The following LARGE1 variants were observed in gnomAD, a reference collection of about 807,000 sequenced individuals.
LARGE1 encodes LARGE xylosyl- and glucuronyltransferase 1.
LARGE1 carries 43 observed loss-of-function variants against 87.6 expected under a neutral mutation model. That is an observed-to-expected ratio of 0.49 (90% CI 0.38 to 0.63). The LOEUF is 0.63. Ranked by LOEUF, LARGE1 falls within the 30% of genes least tolerant of loss-of-function variation. The pLI is 0.00. For missense variants in LARGE1, 802 were observed against 1,000.2 expected, an observed-to-expected ratio of 0.80 and a Z score of 2.67; for synonymous variants, 434 against 394.6, an observed-to-expected ratio of 1.10 and a Z score of -1.18.
chr22:33,281,316 G>C (rs958230189), intron 13 of LARGE1, among the ~76,000 whole-genome samples: 46 of 152,116 alleles, frequency 3.0e-4, no homozygotes, highest in Non-Finnish European at 6.3e-4. Context: ...ATTCATGGGA[G>C]ACTTATATTA....
At chr22:33,312,249 C>G (rs550774667) in intron 11 of LARGE1, among the ~76,000 whole-genome samples, 34 of 152,216 alleles carry the variant, frequency 2.2e-4, no homozygotes, top group Non-Finnish European at 4.1e-4. Flanking sequence ...TGAGACCATG[C>G]TGGCCAACAT....
chr22:33,686,662 G>A (rs1036105467), intron 2 of LARGE1, among the ~76,000 whole-genome samples: 2 of 151,924 alleles, frequency 1.3e-5, no homozygotes, highest in Non-Finnish European at 2.9e-5. Context: ...GCCTATCATG[G>A]CCTAGACCAG....
chr22:33,206,758 T>C (rs1314012847), intron 11 of LARGE1, among the ~76,000 whole-genome samples: 2 of 152,188 alleles, frequency 1.3e-5, no homozygotes, highest in Non-Finnish European at 2.9e-5. Flanking sequence ...GAAACTCTCA[T>C]AAATAGTTTT....
chr22:33,128,321 A>G, the LARGE1 span, among the ~76,000 whole-genome samples: 8 of 152,220 alleles, frequency 5.3e-5, no homozygotes, highest in African/African-American at 1.7e-4. Context: ...TTGTAGCACT[A>G]TTCACAATAA....
At chr22:33,371,826 T>C (rs928328174) in intron 9 of LARGE1, among the ~76,000 whole-genome samples, 6 of 151,794 alleles carry the variant, frequency 4.0e-5, no homozygotes, top group Non-Finnish European at 1.5e-5. Context: ...CCACTAAAAA[T>C]ACAAAAAATT....
chr22:33,909,963 T>C (rs922106956), intron 1 of LARGE1, among the ~76,000 whole-genome samples: 2 of 152,216 alleles, frequency 1.3e-5, no homozygotes, highest in African/African-American at 4.8e-5. Flanking sequence ...AGATTTTAAC[T>C]GTCTTGTATC....
At chr22:33,204,841 T>C (rs1924599184) in intron 11 of LARGE1, among the ~76,000 whole-genome samples, 1 of 152,024 alleles carries the variant, frequency 6.6e-6, no homozygotes, top group South Asian at 2.1e-4. Flanking sequence ...TATAGAAGGG[T>C]TCTGTTGAAA....
At chr22:33,079,306 C>A in the LARGE1 span, among the ~76,000 whole-genome samples, 1 of 146,492 alleles carries the variant, frequency 6.8e-6, no homozygotes, top group South Asian at 2.2e-4. Flanking sequence ...CGGCTCACTG[C>A]AAGCTCCGCC....
chr22:33,324,603 T>A (rs968089441), intron 10 of LARGE1, among the ~76,000 whole-genome samples: 1 of 152,214 alleles, frequency 6.6e-6, no homozygotes, highest in Non-Finnish European at 1.5e-5. Flanking sequence ...TTAGGCAGTT[T>A]GCATTTATTT....
At chr22:33,253,539 C>T (rs935313247) in intron 11 of LARGE1, among the ~76,000 whole-genome samples, 2 of 152,212 alleles carry the variant, frequency 1.3e-5, no homozygotes, top group Non-Finnish European at 2.9e-5. Flanking sequence ...TGGTGAAACC[C>T]TGTCTCTACT....
intron 6 of LARGE1, among the ~76,000 whole-genome samples, chr22:33,459,943 A>G (rs578000460): frequency 1.4e-3 from 219 of 152,360 alleles, no homozygotes; most frequent in African/African-American, 4.7e-3. Flanking sequence ...CAATGGGCAG[A>G]TAAGTGGATG....
chr22:33,871,134 C>G (rs1473784555), intron 1 of LARGE1, among the ~76,000 whole-genome samples: 1 of 152,210 alleles, frequency 6.6e-6, no homozygotes, highest in Non-Finnish European at 1.5e-5. Flanking sequence ...ACATTTATTT[C>G]ATGGCACAAA....
intron 5 of LARGE1, among the ~76,000 whole-genome samples, chr22:33,566,622 G>A (rs1401487972): frequency 6.6e-6 from 1 of 152,226 alleles, no homozygotes; most frequent in Non-Finnish European, 1.5e-5. Flanking sequence ...AGCTTCCACA[G>A]CTTGGAAGGG....
intron 1 of LARGE1, among the ~76,000 whole-genome samples, chr22:33,910,755 G>C (rs576247219): frequency 1.3e-5 from 2 of 152,188 alleles, no homozygotes; most frequent in Admixed American, 1.3e-4. Context: ...GAGAGAGGAT[G>C]GGGGGTTGGA....
At chr22:33,651,225 CAAAAAAAAAAAAAA>C (rs71187275) in intron 2 of LARGE1, among the ~76,000 whole-genome samples, 1 of 56,574 alleles carries the variant, frequency 1.8e-5, no homozygotes, top group Non-Finnish European at 3.6e-5. Context: ...ACTAAAAATA[CAAAAAAAAAAAAAA>C]AAATTAGCCG....
downstream of LARGE1, among the ~76,000 whole-genome samples, chr22:33,160,434 T>C (rs1921985002): frequency 6.6e-6 from 1 of 152,218 alleles, no homozygotes; most frequent in Admixed American, 6.5e-5. Context: ...GTCCAACCAC[T>C]CTACCTTGCT....
chr22:33,407,451 T>G (rs946583125), intron 7 of LARGE1, among the ~76,000 whole-genome samples: 1 of 152,254 alleles, frequency 6.6e-6, no homozygotes, highest in African/African-American at 2.4e-5. Flanking sequence ...ATCTTTCCAG[T>G]TGAGAGTAGG....
At chr22:33,588,170 AAAG>A (rs2078732722) in intron 5 of LARGE1, among the ~76,000 whole-genome samples, 2 of 152,236 alleles carry the variant, frequency 1.3e-5, no homozygotes, top group East Asian at 3.8e-4. Context: ...TGGGAAGCAG[AAAG>A]AAGAGCCGAG....
chr22:33,178,129 C>T (rs1922976957), intron 11 of LARGE1, among the ~76,000 whole-genome samples: 1 of 152,148 alleles, frequency 6.6e-6, no homozygotes, highest in Non-Finnish European at 1.5e-5. Flanking sequence ...TAAAAACAGA[C>T]TAATACATCA....
Sources: allele counts gnomAD v4.1 joint callset (sites outside exome capture counted in the v4.1 genomes callset), GRCh38; gene constraint gnomAD v4.1.1; transcripts MANE v1.5; gene names NCBI Gene and HGNC (gene_info 2026-07-23, HGNC 2026-07-21).